FAM184A: variants seen among roughly 807,000 people sequenced by gnomAD.
FAM184A encodes family with sequence similarity 184 member A, also known as protein FAM184A.
A neutral mutation model predicts 143.8 loss-of-function variants in FAM184A; 99 were observed. The observed-to-expected ratio is 0.69, with a 90% CI of 0.58 to 0.81. FAM184A has a LOEUF of 0.81. Ranked by LOEUF, FAM184A falls within the 40% of genes least tolerant of loss-of-function variation. The pLI is 0.00. For synonymous variants in FAM184A, 427 were observed against 446.4 expected (o/e 0.96, Z 0.55); for missense variants, 1,217 against 1,310.5 (o/e 0.93, Z 1.10).
rs1188344432 is a variant in FAM184A at position 118,975,039 on chromosome 6, G to C, written c.2753C>G (p.Ser918Cys). 1 of 1,612,338 alleles carries C rather than the reference G, an allele frequency of 6.2e-7. No homozygotes were observed. The highest frequency in any genetic ancestry group is 1.7e-5 in the Admixed American group (1 of 59,906). Residue 918 changes from serine (S) to cysteine (C), a missense_variant, in exon 13 of 18, where the codon TCT (serine) becomes TGT (cysteine). Coordinates refer to ENST00000338891, the MANE Select transcript of FAM184A (RefSeq NM_024581.6). ...AATGGCATACCTTATCTGTTGGTTAGATTCACTTCGTATTCTGAGAATTTC... is the reference window on the plus strand; with the variant it reads ...AATGGCATACCTTATCTGTTGGTTACATTCACTTCGTATTCTGAGAATTTC... ...GKEILRIRSE[S>C]NQQIRLHEQD... is the part of the protein sequence containing the mutation.
chr6:119,001,146 T>C (rs765127480), intron 9 of FAM184A, among the ~76,000 whole-genome samples: 1 of 145,978 alleles, frequency 6.9e-6, no homozygotes, highest in Admixed American at 7.0e-5. Context: ...CTAGAAAGGA[T>C]GAAACCTTGA....
intron 14 of FAM184A, among the ~76,000 whole-genome samples, chr6:118,973,721 C>T (rs1273134874): frequency 6.6e-6 from 1 of 152,034 alleles, no homozygotes; most frequent in African/African-American, 2.4e-5. Context: ...ACTGCATTAG[C>T]TACATCAGTT....
intron 9 of FAM184A, among the ~76,000 whole-genome samples, chr6:118,980,587 TAAAGA>T (rs1423781212): frequency 6.6e-6 from 1 of 152,208 alleles, no homozygotes; most frequent in African/African-American, 2.4e-5. Flanking sequence ...ATAGACTGTC[TAAAGA>T]ACACTGCAGC....
rs987636359 is a variant in FAM184A at position 118,966,241 on chromosome 6, C to A, written c.3033+594G>T. ...TAAAGAGTATATTCATTGTTAAATCCGTATTTTCTTAGCTGATAAACTTCA... is the reference window on the plus strand; with the variant it reads ...TAAAGAGTATATTCATTGTTAAATCAGTATTTTCTTAGCTGATAAACTTCA... On this transcript the variant is annotated intron_variant, in intron 15 of 17. Transcript: ENST00000338891. 3.3e-5 allele frequency among the ~76,000 whole-genome samples: 5 copies of A among 152,246 alleles called. No individual in the cohort carries two copies. The East Asian group carries it at 9.6e-4, about 29-fold the overall frequency.
rs758614955 is a variant in FAM184A, at chr6:119,003,573, A to G, written c.1865T>C (p.Met622Thr). The G allele has an allele frequency of 1.5e-5, 24 of 1,612,620 alleles. No homozygotes were observed. The Middle Eastern group carries it at 6.6e-4, about 44-fold the overall frequency. Residue 622 changes from methionine to threonine, a missense_variant, in exon 8 of 18, where the codon ATG becomes ACG. Coordinates refer to ENST00000338891, the MANE Select transcript of FAM184A (RefSeq NM_024581.6). ...RQQHEETIAAMKEEEKLKVDK... is the reference protein window; with the variant it reads ...RQQHEETIAATKEEEKLKVDK... ...CACTTTGAGCTTCTCTTCTTCTTTC[A>G]TGGCAGCAATTGTTTCTTCATGCTG...
intron 1 of FAM184A, among the ~76,000 whole-genome samples, chr6:119,048,927 T>C (rs1349548275): frequency 3.3e-5 from 5 of 152,114 alleles, no homozygotes; most frequent in Non-Finnish European, 7.4e-5. Context: ...AAAATGGCCA[T>C]ACTGACCAAA....
At chr6:118,972,027 A>G (rs1011811140) in intron 14 of FAM184A, among the ~76,000 whole-genome samples, 1 of 152,204 alleles carries the variant, frequency 6.6e-6, no homozygotes, top group African/African-American at 2.4e-5. Flanking sequence ...AGGAACTTCA[A>G]TAGAATCCCC....
intron 14 of FAM184A, among the ~76,000 whole-genome samples, chr6:118,972,831 G>A (rs1783735960): frequency 6.6e-6 from 1 of 152,156 alleles, no homozygotes; most frequent in African/African-American, 2.4e-5. Flanking sequence ...GTCTCTGTCT[G>A]AGGAGTACCA....
upstream of FAM184A, among the ~76,000 whole-genome samples, chr6:119,082,200 C>T (rs1313913028): frequency 1.3e-5 from 2 of 152,314 alleles, no homozygotes; most frequent in South Asian, 4.1e-4. Context: ...CCAGCACTTT[C>T]CTTCTGTATC....
rs979659688 is a variant in FAM184A, at chr6:119,036,219, T to TG, written c.160-11407_160-11406insC. Among the ~76,000 whole-genome samples the TG allele has an allele frequency of 3.7e-3, 555 of 151,214 alleles. 9 individuals carry two copies. Among genetic ancestry groups the TG allele is most frequent in the African/African-American group, 0.013 (542 of 41,184 alleles). ...TTTTTTCCCCTCGGTCCAGTGTCTT[T>TG]TTTTTTTTAACTAGAAAGGAAAATC... On this transcript the variant is annotated intron_variant, in intron 1 of 17. Coordinates refer to ENST00000338891, the MANE Select transcript of FAM184A (RefSeq NM_024581.6).
At chr6:119,110,820 G>A (rs191345642) in intron 1 of FAM184A, among the ~76,000 whole-genome samples, 16 of 152,266 alleles carry the variant, frequency 1.1e-4, no homozygotes, top group African/African-American at 3.9e-4. Context: ...GAACATAGGC[G>A]ACCTGGGGAA....
At chr6:119,093,573 G>A (rs1182804672) in intron 1 of FAM184A, among the ~76,000 whole-genome samples, 3 of 152,010 alleles carry the variant, frequency 2.0e-5, no homozygotes, top group East Asian at 3.9e-4. Context: ...TCCCTCTTAC[G>A]GTATGCTAGA....
rs143581694 is a variant in FAM184A at position 119,069,979 on chromosome 6, T to C, written c.159+8162A>G. Among the ~76,000 whole-genome samples the C allele has an allele frequency of 9.6e-4, 146 of 152,254 alleles. 4 individuals carry two copies. In the East Asian group the frequency reaches 0.019, roughly 20 times the overall value. Reference sequence around the variant, plus strand: ...AACTTTGGTATAGAGATGGTACATGTAAATAAGGAAATACAGAATTAGCAA... The same window carrying C: ...AACTTTGGTATAGAGATGGTACATGCAAATAAGGAAATACAGAATTAGCAA... On this transcript the variant is annotated intron_variant, in intron 1 of 17. Coordinates refer to ENST00000338891, the MANE Select transcript of FAM184A (RefSeq NM_024581.6).
intron 1 of FAM184A, among the ~76,000 whole-genome samples, chr6:119,102,788 A>AC: frequency 1.4e-5 from 2 of 146,500 alleles, no homozygotes; most frequent in Admixed American, 6.9e-5. Flanking sequence ...CCATCTCAAA[A>AC]AAAAAAAAAA....
intron 7 of FAM184A, chr6:119,006,135 A>G: frequency 1.3e-6 from 1 of 765,270 alleles, no homozygotes; most frequent in African/African-American, 1.7e-5. Flanking sequence ...AGAGATGGAA[A>G]TTATGTTGCC....
intron 1 of FAM184A, among the ~76,000 whole-genome samples, chr6:119,052,341 T>C (rs1786798619): frequency 6.6e-6 from 1 of 152,212 alleles, no homozygotes; most frequent in Non-Finnish European, 1.5e-5. Context: ...CACAAAGTCA[T>C]TATTAGATCC....
At chr6:119,113,613 G>C (rs187888069) in intron 1 of FAM184A, among the ~76,000 whole-genome samples, 52 of 148,922 alleles carry the variant, frequency 3.5e-4, no homozygotes, top group Middle Eastern at 6.9e-3. Flanking sequence ...AGTACAATAA[G>C]ATATTGAGAG....
At chr6:119,123,050 C>T (rs1004401225) in intron 1 of FAM184A, among the ~76,000 whole-genome samples, 1 of 150,046 alleles carries the variant, frequency 6.7e-6, no homozygotes, top group Admixed American at 6.7e-5. Flanking sequence ...TGTGCATTCT[C>T]CATGGACTGG....
At chr6:119,062,903 G>A (rs1787313037) in intron 1 of FAM184A, among the ~76,000 whole-genome samples, 1 of 152,220 alleles carries the variant, frequency 6.6e-6, no homozygotes, top group Non-Finnish European at 1.5e-5. Flanking sequence ...GTACATATAG[G>A]AATAAAATAA....
Sources: allele counts gnomAD v4.1 joint callset (sites outside exome capture counted in the v4.1 genomes callset), GRCh38; gene constraint gnomAD v4.1.1; transcripts MANE v1.5; gene names NCBI Gene and HGNC (gene_info 2026-07-23, HGNC 2026-07-21).